The following CNTN4 variants were observed in gnomAD, a reference collection of about 807,000 sequenced individuals.
CNTN4 encodes contactin 4.
A neutral mutation model predicts 122.5 loss-of-function variants in CNTN4; 77 were observed. The observed-to-expected ratio is 0.63, with a 90% CI of 0.52 to 0.76. The LOEUF (loss-of-function observed/expected upper bound fraction) is 0.76. CNTN4 is among the 30% of genes least tolerant of loss of function. The pLI, the probability that CNTN4 is intolerant of heterozygous loss-of-function variation, is 0.00. For missense variants in CNTN4, 1,256 were observed against 1,259.1 expected (o/e 1.00, Z 0.04); for synonymous variants, 512 against 447.0 (o/e 1.15, Z -1.83).
intron 14 of CNTN4, among the ~76,000 whole-genome samples, chr3:3,019,222 G>A (rs1362803596): frequency 6.6e-6 from 1 of 152,116 alleles, no homozygotes; most frequent in Non-Finnish European, 1.5e-5. Context: ...TAAGGCTGGT[G>A]GGTACAAGTT....
intron 3 of CNTN4, among the ~76,000 whole-genome samples, chr3:2,411,270 G>T (rs2047217473): frequency 6.6e-6 from 1 of 152,066 alleles, no homozygotes; most frequent in Non-Finnish European, 1.5e-5. Context: ...AAACCACCAT[G>T]ATACACATTT....
At chr3:2,752,306 G>T (rs1291135578) in intron 6 of CNTN4, among the ~76,000 whole-genome samples, 1 of 152,158 alleles carries the variant, frequency 6.6e-6, no homozygotes, top group African/African-American at 2.4e-5. Context: ...ATTTCTTTGT[G>T]TTGGGAACAT....
chr3:2,851,517 C>A (rs920489448), intron 7 of CNTN4, among the ~76,000 whole-genome samples: 1 of 152,194 alleles, frequency 6.6e-6, no homozygotes, highest in African/African-American at 2.4e-5. Flanking sequence ...TAGCCAATGC[C>A]AGTTAGGAAG....
At chr3:2,967,572 C>G (rs534917144) in intron 13 of CNTN4, among the ~76,000 whole-genome samples, 106 of 152,208 alleles carry the variant, frequency 7.0e-4, no homozygotes, top group African/African-American at 2.6e-3. Flanking sequence ...AGTTTCCATC[C>G]CAATGCCCAG....
chr3:2,766,927 A>G (rs995333448), intron 6 of CNTN4, among the ~76,000 whole-genome samples: 2 of 152,200 alleles, frequency 1.3e-5, no homozygotes, highest in African/African-American at 2.4e-5. Flanking sequence ...TGGAAGCTAA[A>G]GGTGGAAAGT....
At chr3:2,759,603 C>T (rs1446379104) in intron 6 of CNTN4, among the ~76,000 whole-genome samples, 7 of 150,950 alleles carry the variant, frequency 4.6e-5, no homozygotes, top group East Asian at 1.9e-4. Flanking sequence ...GGTTTTTTTG[C>T]GGACACATGT....
At chr3:2,886,997 G>T in intron 9 of CNTN4, 43 bp from the exon 10 acceptor site, 1 of 1,568,964 alleles carries the variant, frequency 6.4e-7, no homozygotes. Flanking sequence ...AAAAGGTCCA[G>T]TTTTCTCTAG....
At chr3:2,567,667 G>A (rs1405110420) in intron 3 of CNTN4, among the ~76,000 whole-genome samples, 1 of 152,176 alleles carries the variant, frequency 6.6e-6, no homozygotes, top group Non-Finnish European at 1.5e-5. Context: ...TAGGAATAGA[G>A]CACAAGTTAG....
rs528615329 is a variant in CNTN4 at position 2,119,107 on chromosome 3, A to G, written c.-145+18468A>G. Among the ~76,000 whole-genome samples the G allele has an allele frequency of 7.2e-5, 11 of 152,356 alleles. No homozygotes were observed. In the South Asian group the frequency reaches 2.3e-3, roughly 32 times the overall value. ...ATAATGTGGTGGGCCACATTCAGTC[A>G]GCAGAGGGCCTTCAGAAAAAAACTG... On this transcript the variant is annotated intron_variant, in intron 2 of 24. Transcript: ENST00000418658.
intron 19 of CNTN4, 167 bp from the exon 20 acceptor site, chr3:3,039,870 T>A (rs1699983359): frequency 3.0e-6 from 2 of 664,874 alleles, no homozygotes; most frequent in Admixed American, 4.2e-5. Context: ...CATAACTGTT[T>A]AAGATAGACT....
At chr3:2,603,255 A>G (rs1485872514) in intron 4 of CNTN4, among the ~76,000 whole-genome samples, 1 of 152,208 alleles carries the variant, frequency 6.6e-6, no homozygotes, top group African/African-American at 2.4e-5. Flanking sequence ...ATGGAAGACT[A>G]ATGAGATTTG....
At chr3:2,179,538 T>C (rs936097032) in intron 2 of CNTN4, among the ~76,000 whole-genome samples, 5 of 152,180 alleles carry the variant, frequency 3.3e-5, no homozygotes, top group African/African-American at 1.2e-4. Context: ...ACACTATGAA[T>C]GTCATTGAGG....
At chr3:3,012,444 TTTTTTG>T (rs774346666) in intron 14 of CNTN4, among the ~76,000 whole-genome samples, 2 of 151,576 alleles carry the variant, frequency 1.3e-5, no homozygotes, top group African/African-American at 4.9e-5. Flanking sequence ...ATCGGTTTGG[TTTTTTG>T]TTTTTGTTTT....
At position 2,415,678 on chromosome 3, in the gene CNTN4, GT is replaced by G. The variant is rs2047386312; in HGVS notation, c.-89+76452del. ...ATTTCCTTTGCCTTTTCCTATTTAAGTTTTTTTCTTTTATTCTTCTATTAAT... is the reference window on the plus strand; with the variant it reads ...ATTTCCTTTGCCTTTTCCTATTTAAGTTTTTTCTTTTATTCTTCTATTAAT... On this transcript the variant is annotated intron_variant, in intron 3 of 24. Transcript: ENST00000418658. 3.3e-5 allele frequency among the ~76,000 whole-genome samples: 5 copies of G among 152,110 alleles called. No individual in the cohort carries two copies. In the South Asian group the frequency reaches 8.3e-4, roughly 25 times the overall value.
At chr3:2,961,496 G>C (rs2094858741) in intron 13 of CNTN4, among the ~76,000 whole-genome samples, 1 of 151,984 alleles carries the variant, frequency 6.6e-6, no homozygotes, top group Non-Finnish European at 1.5e-5. Context: ...AAAACTATAG[G>C]ACTGTCTCCT....
intron 2 of CNTN4, among the ~76,000 whole-genome samples, chr3:2,255,341 C>G (rs549147326): frequency 2.8e-4 from 42 of 152,182 alleles, no homozygotes; most frequent in African/African-American, 9.4e-4. Flanking sequence ...TAGTGTGAGA[C>G]TTTAACACCC....
intron 2 of CNTN4, among the ~76,000 whole-genome samples, chr3:2,276,410 G>T (rs1197124314): frequency 1.3e-5 from 2 of 152,278 alleles, no homozygotes; most frequent in Non-Finnish European, 2.9e-5. Flanking sequence ...CTGGCCTCAA[G>T]TGATCCACCT....
At position 2,362,568 on chromosome 3, in the gene CNTN4, A is replaced by G. The variant is rs1319117161; in HGVS notation, c.-89+23335A>G. 1.0e-5 allele frequency: 6 copies of G among 579,346 alleles called. No homozygotes were observed. In the East Asian group the frequency reaches 1.9e-4, roughly 19 times the overall value. The allele number at this position is 579,346 out of a possible 1,614,324, so 35.9% of individuals were successfully genotyped here. ...TTCCTCGGATTAACCAGGCTGAAGA[A>G]GAAGACAGCAGCTTCTTGGACACCT... On this transcript the variant is annotated intron_variant, in intron 3 of 24. Coordinates refer to ENST00000418658, the MANE Select transcript of CNTN4 (RefSeq NM_175607.3).
At chr3:2,667,627 T>G (rs1480820529) in intron 4 of CNTN4, among the ~76,000 whole-genome samples, 3 of 148,642 alleles carry the variant, frequency 2.0e-5, no homozygotes, top group Non-Finnish European at 4.4e-5. Flanking sequence ...TGGCTTTTGT[T>G]GCCATTGCTT....
Sources: allele counts gnomAD v4.1 joint callset (sites outside exome capture counted in the v4.1 genomes callset), GRCh38; gene constraint gnomAD v4.1.1; transcripts MANE v1.5; gene names NCBI Gene and HGNC (gene_info 2026-07-23, HGNC 2026-07-21).